The following DDX49 variants were observed in gnomAD, a reference collection of about 807,000 sequenced individuals.
The protein encoded by DDX49 is probable ATP-dependent RNA helicase DDX49.
Under a neutral mutation model 56.3 loss-of-function variants are expected in DDX49, and 50 were observed. The observed-to-expected ratio is 0.89, with a 90% CI of 0.71 to 1.12. The LOEUF (loss-of-function observed/expected upper bound fraction) is 1.12, where lower values mean the gene tolerates loss of function less well. Among genes scored for constraint, DDX49 ranks in the 50% most tolerant of loss-of-function variants. The probability of loss-of-function intolerance (pLI) is 0.00; values close to 1 mark genes in which losing one functional copy is unlikely to be tolerated. For missense variants in DDX49, 614 were observed against 650.5 expected (o/e 0.94, Z 0.61); for synonymous variants, 269 against 270.6 (o/e 0.99, Z 0.06).
At chr19:18,927,936 C>T in intron 11 of DDX49, 29 bp from the exon 12 acceptor site, 1 of 1,613,948 alleles carries the variant, frequency 6.2e-7, no homozygotes, top group East Asian at 2.2e-5. Flanking sequence ...CCGTGACCAG[C>T]ATCTCCTTAC....
intron 7 of DDX49, 48 bp downstream of exon 7, chr19:18,924,356 C>T (rs200641433): frequency 4.3e-5 from 66 of 1,550,852 alleles, no homozygotes; most frequent in Admixed American, 2.9e-4. Context: ...ATACCTTCCC[C>T]GCCTCAGACA....
In DDX49 at chr19:18,922,487, G is replaced by A. The variant is rs1215850998; in HGVS notation, c.609G>A (p.Gln203=). The A allele has an allele frequency of 6.2e-7, 1 of 1,600,632 alleles. No homozygotes were observed. Among genetic ancestry groups the A allele is most frequent in the Non-Finnish European group, 8.5e-7 (1 of 1,176,402 alleles). Residue 203 remains glutamine (Q), a synonymous_variant, in exon 5 of 13, where the codon CAG becomes CAA. Coordinates refer to ENST00000247003, the MANE Select transcript of DDX49 (RefSeq NM_019070.5). ...AGCTGCAGGGTCTGGCCACCAACCA[G>A]CCCTTCTTCTGGGAAGCACAGGCCC... ...LRELQGLATN[Q]PFFWEAQAPV...
At chr19:18,922,563 C>G in intron 5 of DDX49, 41 bp from the exon 6 acceptor site, 1 of 1,600,320 alleles carries the variant, frequency 6.2e-7, no homozygotes, top group South Asian at 1.1e-5. Context: ...ATCCTACAGA[C>G]AGGGACACTG....
chr19:18,920,429 C>G, intron 1 of DDX49, 151 bp from the exon 2 acceptor site: 1 of 702,288 alleles, frequency 1.4e-6, no homozygotes, highest in Non-Finnish European at 2.3e-6. Flanking sequence ...GGAGTTAGAA[C>G]GAGGTGGTAG....
chr19:18,927,715 C>T (rs1037020393), intron 10 of DDX49, 51 bp from the exon 11 acceptor site: 4 of 1,539,632 alleles, frequency 2.6e-6, no homozygotes, highest in Non-Finnish European at 3.6e-6. Context: ...AACTCCCTCT[C>T]CATGTCACGT....
rs894974707 is a variant in DDX49 at position 18,928,395 on chromosome 19, C to T, written c.*79C>T. 5.1e-6 allele frequency: 7 copies of T among 1,382,856 alleles called. No homozygotes were observed. In the African/African-American group the frequency reaches 1.0e-4, roughly 20 times the overall value. 85.7% of individuals were successfully genotyped at this position (1,382,856 alleles called of 1,614,324 possible). On this transcript the variant is annotated 3_prime_UTR_variant, in exon 13 of 13. Coordinates refer to ENST00000247003, the MANE Select transcript of DDX49 (RefSeq NM_019070.5). ...GAGGAACCTTCCTTGGGGGCAGCAGCCCTTCCCGGGGGCCTACCCAGTGCC... is the reference window on the plus strand; with the variant it reads ...GAGGAACCTTCCTTGGGGGCAGCAGTCCTTCCCGGGGGCCTACCCAGTGCC...
chr19:18,924,755 A>G (rs2056947341), intron 8 of DDX49, 56 bp downstream of exon 8: 1 of 1,613,614 alleles, frequency 6.2e-7, no homozygotes, highest in African/African-American at 1.3e-5. Context: ...ACAAGGCCCC[A>G]CAGATGAGAA....
chr19:18,921,262 G>A (rs1343058856), intron 2 of DDX49, among the ~76,000 whole-genome samples: 1 of 152,188 alleles, frequency 6.6e-6, no homozygotes, highest in Non-Finnish European at 1.5e-5. Context: ...AATTGATTCT[G>A]GGGGTGTGTG....
At chr19:18,924,375 G>A (rs1305917721) in intron 7 of DDX49, 67 bp downstream of exon 7, 33 of 1,507,242 alleles carry the variant, frequency 2.2e-5, no homozygotes, top group African/African-American at 5.5e-5. Flanking sequence ...CATTGGCCCC[G>A]ATCCTTCCTT....
Position 18,928,036 on chromosome 19 carries a change from G to A in DDX49, c.1263G>A (p.Lys421=). 6.2e-7 allele frequency: 1 copy of A among 1,613,852 alleles called. No individual in the cohort carries two copies. Among genetic ancestry groups the A allele is most frequent in the Non-Finnish European group, 8.5e-7 (1 of 1,179,986 alleles). Residue 421 remains lysine (K), a splice_region_variant and synonymous_variant, in exon 12 of 13, where the codon AAG becomes AAA. Transcript: ENST00000247003. ...NKRKQLILEG[K]DPDLEAKRKA... is the part of the protein sequence containing the mutation. Reference sequence around the variant, plus strand: ...GGAAGCAGCTGATCCTGGAGGGGAAGGTGAGGGCCGAGCCCGCAGGTAGGG... The same window carrying A: ...GGAAGCAGCTGATCCTGGAGGGGAAAGTGAGGGCCGAGCCCGCAGGTAGGG...
At chr19:18,927,631 C>A in intron 10 of DDX49, 135 bp from the exon 11 acceptor site, 1 of 696,270 alleles carries the variant, frequency 1.4e-6, no homozygotes, top group Non-Finnish European at 2.5e-6. Flanking sequence ...TGATCTTGCT[C>A]AGCTGACCCT....
chr19:18,927,703 T>C, intron 10 of DDX49, 63 bp from the exon 11 acceptor site: 1 of 1,465,434 alleles, frequency 6.8e-7, no homozygotes, highest in Non-Finnish European at 9.5e-7. Flanking sequence ...ACTACTTGGC[T>C]GAACTCCCTC....
At position 18,922,264 on chromosome 19, in the gene DDX49, G is replaced by T. The variant is rs759379881; in HGVS notation, c.448-62G>T. 11 of 1,561,742 alleles carry T rather than the reference G, an allele frequency of 7.0e-6. No homozygotes were observed. In the South Asian group the frequency reaches 1.2e-4, roughly 17 times the overall value. On this transcript the variant is annotated intron_variant, in intron 4 of 12. Transcript: ENST00000247003. Reference sequence around the variant, plus strand: ...ATGCCTCTCAAAGAGGCCTGCTTCAGGGGTGGCCAAGACCCGGGGCCATGG... The same window carrying T: ...ATGCCTCTCAAAGAGGCCTGCTTCATGGGTGGCCAAGACCCGGGGCCATGG...
chr19:18,924,380 T>G, intron 7 of DDX49, 72 bp downstream of exon 7: 1 of 1,491,368 alleles, frequency 6.7e-7, no homozygotes, highest in Admixed American at 1.8e-5. Context: ...GCCCCGATCC[T>G]TCCTTCTGCC....
rs1213354539 is a variant in DDX49 at position 18,919,780 on chromosome 19, C to G, written c.39C>G (p.Leu13=). Residue 13 remains leucine, a synonymous_variant, in exon 1 of 13, where the codon CTC becomes CTG. Transcript: ENST00000247003. ...CGGAGCTCGGGCTGTCATCGTGGCT[C>G]GTGGAACAATGTCGGCAGCTGGGTT... is the stretch of plus-strand genomic sequence containing the variant. ...GFAELGLSSW[L]VEQCRQLGLK... is the part of the protein sequence containing the mutation. The G allele has an allele frequency of 5.6e-6, 9 of 1,612,724 alleles. No individual in the cohort carries two copies. The highest frequency in any genetic ancestry group is 3.3e-5 in the Admixed American group (2 of 59,998).
chr19:18,923,213 C>T (rs1220082884), intron 6 of DDX49, among the ~76,000 whole-genome samples: 1 of 152,136 alleles, frequency 6.6e-6, no homozygotes, highest in Non-Finnish European at 1.5e-5. Flanking sequence ...GCTTTAAATG[C>T]GTTACCTCCC....
intron 9 of DDX49, chr19:18,925,254 C>CA (rs1229781053): frequency 1.2e-5 from 5 of 410,104 alleles, no homozygotes; most frequent in East Asian, 4.1e-5. Context: ...ACTCTGTCTC[C>CA]AAAAAAATAA....
Position 18,920,583 on chromosome 19 carries a change from G to A in DDX49, c.119G>A (p.Arg40Gln). The A allele has an allele frequency of 6.3e-7, 1 of 1,595,772 alleles. No homozygotes were observed. The highest frequency in any genetic ancestry group is 1.1e-5 in the South Asian group (1 of 90,022). Residue 40 changes from arginine (R) to glutamine (Q), a missense_variant, in exon 2 of 13, where the codon CGA becomes CAA. Transcript: ENST00000247003. Reference protein sequence around the residue: ...LGCIPAILEGRDCLGCAKTGS... With the variant: ...LGCIPAILEGQDCLGCAKTGS... The stretch of plus-strand genomic sequence containing the variant: ...TGCTGCTTTGTCCCCAACCCAGGTC[G>A]AGACTGCTTGGGCTGTGCTAAGACA...
intron 8 of DDX49, 75 bp downstream of exon 8, chr19:18,924,774 T>G: frequency 3.1e-6 from 5 of 1,612,806 alleles, no homozygotes; most frequent in Non-Finnish European, 4.2e-6. Context: ...AAGGCTGGCC[T>G]CAGGCATGTC....
Sources: gnomAD v4.1 joint callset for allele counts (sites outside exome capture counted in the v4.1 genomes callset) on GRCh38, gnomAD v4.1.1 for gene constraint, MANE v1.5 for transcripts, NCBI Gene and HGNC (gene_info 2026-07-23, HGNC 2026-07-21) for gene names.